The following ZNF235 variants were observed in gnomAD, a reference collection of about 807,000 sequenced individuals.
ZNF235 encodes zfp-93.
A neutral mutation model predicts 29.4 loss-of-function variants in ZNF235; 25 were observed. The observed-to-expected ratio is 0.85, with a 90% CI of 0.62 to 1.19. The LOEUF (loss-of-function observed/expected upper bound fraction) is 1.19, where lower values mean the gene tolerates loss of function less well. ZNF235 is among the 50% of genes most tolerant of loss of function. The pLI is 0.00. For missense variants in ZNF235, 788 were observed against 885.0 expected (o/e 0.89, Z 1.39); for synonymous variants, 300 against 295.3 (o/e 1.02, Z -0.16).
intron 2 of ZNF235, among the ~76,000 whole-genome samples, chr19:44,302,861 CTT>C (rs1975758348): frequency 1.4e-5 from 1 of 70,714 alleles, no homozygotes; most frequent in Non-Finnish European, 2.4e-5. Context: ...TAAATATATA[CTT>C]ATATATATTT....
Position 44,289,214 on chromosome 19 carries a change from A to G in ZNF235, c.239-18T>C. 4 of 1,594,110 alleles carry G rather than the reference A, an allele frequency of 2.5e-6. No homozygotes were observed. The highest frequency in any genetic ancestry group is 3.4e-6 in the Non-Finnish European group (4 of 1,170,136). ...CCTGTCTCCTGAAAGGATAGAGAGA[A>G]TAAGGAATAAAGGACCAAGAGACTG... On this transcript the variant is annotated intron_variant, in intron 4 of 4. Coordinates refer to ENST00000291182, the MANE Select transcript of ZNF235 (RefSeq NM_004234.4).
chr19:44,300,407 A>G (rs1172382706), intron 2 of ZNF235, among the ~76,000 whole-genome samples: 1 of 152,228 alleles, frequency 6.6e-6, no homozygotes, highest in East Asian at 1.9e-4. Context: ...TAGCTGCATG[A>G]TAGTCCATAA....
At chr19:44,295,975 T>C (rs940326456) in intron 4 of ZNF235, among the ~76,000 whole-genome samples, 10 of 151,588 alleles carry the variant, frequency 6.6e-5, no homozygotes. Flanking sequence ...TTGTTTTAAT[T>C]TGCATTTCTA....
Position 44,287,497 on chromosome 19 carries a change from C to G in ZNF235, c.1938G>C (p.Gln646His). Residue 646 changes from glutamine to histidine, a missense_variant, in exon 5 of 5, where the codon CAG becomes CAC. By Grantham distance (24) the Gln-to-His change is conservative (BLOSUM62 0). Transcript: ENST00000291182. ...ATGGTTTCTCTCCAGTGTGAATTAT[C>G]TGATGGACTTGAAGATTTGACCTCT... ...FSQRSNLQVH[Q>H]IIHTGEKPFK... is the part of the protein sequence containing the mutation. 1 of 1,614,078 alleles carries G rather than the reference C, an allele frequency of 6.2e-7. No homozygotes were observed.
chr19:44,291,363 A>G (rs960265788), intron 4 of ZNF235, among the ~76,000 whole-genome samples: 2 of 152,256 alleles, frequency 1.3e-5, no homozygotes, highest in Non-Finnish European at 2.9e-5. Flanking sequence ...AAAAACCAAT[A>G]TATCAAAATT....
chr19:44,294,115 C>T (rs2609875), intron 4 of ZNF235, among the ~76,000 whole-genome samples: 114,024 of 151,860 alleles, frequency 0.75, 43,538 homozygotes, highest in African/African-American at 0.9. Context: ...ATCAATGAAA[C>T]GAAAAGCTCG....
intron 4 of ZNF235, among the ~76,000 whole-genome samples, chr19:44,295,566 A>AT (rs531242732): frequency 3.9e-4 from 59 of 152,246 alleles, no homozygotes; most frequent in African/African-American, 1.3e-3. Context: ...TACTAATGTC[A>AT]TTTTTTGCAG....
rs1975494637 is a variant in ZNF235, at chr19:44,287,023, A to G, written c.*195T>C. 8.9e-6 allele frequency: 5 copies of G among 560,876 alleles called. No individual in the cohort carries two copies. Among genetic ancestry groups the G allele is most frequent in the Non-Finnish European group, 1.5e-5 (5 of 331,538 alleles). The allele number at this position is 560,876 out of a possible 1,614,324, so 34.7% of individuals were successfully genotyped here. On this transcript the variant is annotated 3_prime_UTR_variant, in exon 5 of 5. Coordinates refer to ENST00000291182, the MANE Select transcript of ZNF235 (RefSeq NM_004234.4). ...TATTTACAGAACAAAGTTTTCTCGCATCTGTGAAATATGACGTTTGTAAAG... is the reference window on the plus strand; with the variant it reads ...TATTTACAGAACAAAGTTTTCTCGCGTCTGTGAAATATGACGTTTGTAAAG...
In ZNF235 at chr19:44,303,476, A is replaced by C. The variant is rs767066074; in HGVS notation, c.-48-24T>G. 8.2e-6 allele frequency: 13 copies of C among 1,588,338 alleles called. 1 individual carries two copies. The highest frequency in any genetic ancestry group is 8.6e-6 in the Non-Finnish European group (10 of 1,164,048). On this transcript the variant is annotated intron_variant, in intron 1 of 4. Coordinates refer to ENST00000291182, the MANE Select transcript of ZNF235 (RefSeq NM_004234.4). ...ACCTGAGGGAGGGAAAGGCATCATG[A>C]GATAGGTTAGGGATGGCATTAGTCA...
intron 1 of ZNF235, among the ~76,000 whole-genome samples, chr19:44,304,050 T>C (rs1325967248): frequency 6.6e-6 from 1 of 152,216 alleles, no homozygotes; most frequent in Admixed American, 6.5e-5. Flanking sequence ...GTAACTGTGA[T>C]TGGTTGTCTA....
rs747911278 is a variant in ZNF235, at chr19:44,287,957, C to T, written c.1478G>A (p.Gly493Asp). Residue 493 changes from glycine to aspartate, a missense_variant, in exon 5 of 5, where the codon GGT becomes GAT. Gly to Asp is a moderately conservative substitution (Grantham distance 94). Transcript: ENST00000291182. Reference protein sequence around the residue: ...GEKPYKCEECGKGFSSASSFQ... With the variant: ...GEKPYKCEECDKGFSSASSFQ... Reference sequence around the variant, plus strand: ...ACTTGAGGCTGAACTAAAACCCTTACCACACTCTTCACATTTATATGGTTT... The same window carrying T: ...ACTTGAGGCTGAACTAAAACCCTTATCACACTCTTCACATTTATATGGTTT... 2.5e-6 allele frequency: 4 copies of T among 1,614,028 alleles called. No homozygotes were observed. The African/African-American group carries it at 5.3e-5, about 22-fold the overall frequency.
chr19:44,302,402 G>A (rs755847513), intron 2 of ZNF235, among the ~76,000 whole-genome samples: 5 of 152,088 alleles, frequency 3.3e-5, no homozygotes, highest in South Asian at 4.1e-4. Flanking sequence ...TAAAAAATTC[G>A]AAATTGTACC....
chr19:44,287,511 G>A lies in ZNF235; in HGVS notation c.1924C>T (p.Leu642Phe), dbSNP rs1290646332. 20 of 1,613,966 alleles carry A rather than the reference G, an allele frequency of 1.2e-5. No individual in the cohort carries two copies. The highest frequency in any genetic ancestry group is 1.7e-5 in the Non-Finnish European group (20 of 1,180,024). Residue 642 changes from leucine to phenylalanine, a missense_variant, in exon 5 of 5, where the codon CTT (leucine) becomes TTT (phenylalanine). Physicochemically the swap from Leu to Phe is conservative, Grantham distance 22. Coordinates refer to ENST00000291182, the MANE Select transcript of ZNF235 (RefSeq NM_004234.4). Reference sequence around the variant, plus strand: ...GTGTGAATTATCTGATGGACTTGAAGATTTGACCTCTGGCTGAAGGCCTTA... The same window carrying A: ...GTGTGAATTATCTGATGGACTTGAAAATTTGACCTCTGGCTGAAGGCCTTA... ...CGKAFSQRSN[L>F]QVHQIIHTGE... is the part of the protein sequence containing the mutation.
rs1406981453 is a variant in ZNF235 at position 44,294,530 on chromosome 19, A to T, written c.238+4278T>A. ...CCAATTCTACTAAAACTCTTTCAAA[A>T]AATCTAAGAGGAGAGAATCCTCCCT... is the stretch of plus-strand genomic sequence containing the variant. On this transcript the variant is annotated intron_variant, in intron 4 of 4. Transcript: ENST00000291182. 3.9e-5 allele frequency among the ~76,000 whole-genome samples: 6 copies of T among 152,294 alleles called. No individual in the cohort carries two copies. In the East Asian group the frequency reaches 1.2e-3, roughly 29 times the overall value.
intron 2 of ZNF235, among the ~76,000 whole-genome samples, chr19:44,303,003 TA>T (rs1348013659): frequency 2.2e-5 from 3 of 134,646 alleles, no homozygotes; most frequent in African/African-American, 8.8e-5. Flanking sequence ...TATATACATA[TA>T]TACGTATATA....
chr19:44,287,954 T>C lies in ZNF235; in HGVS notation c.1481A>G (p.Lys494Arg), dbSNP rs1975516283. Residue 494 changes from lysine to arginine, a missense_variant, in exon 5 of 5, where the codon AAG (lysine) becomes AGG (arginine). By Grantham distance (26) the Lys-to-Arg change is conservative (BLOSUM62 2). Transcript: ENST00000291182. ...GAAACTTGAGGCTGAACTAAAACCC[T>C]TACCACACTCTTCACATTTATATGG... ...EKPYKCEECG[K>R]GFSSASSFQS... The C allele has an allele frequency of 2.5e-6, 4 of 1,614,146 alleles. No individual in the cohort carries two copies. Among genetic ancestry groups the C allele is most frequent in the Non-Finnish European group, 3.4e-6 (4 of 1,180,022 alleles).
rs1975493619 is a variant in ZNF235 at position 44,286,983 on chromosome 19, T to C, written c.*235A>G. The C allele has an allele frequency of 4.3e-6, 2 of 464,178 alleles. No individual in the cohort carries two copies. The highest frequency in any genetic ancestry group is 7.5e-6 in the Non-Finnish European group (2 of 265,672). The allele number at this position is 464,178 out of a possible 1,614,324, so 28.8% of individuals were successfully genotyped here. A position where few individuals can be genotyped will look rare whatever the true frequency, so the allele number is the denominator to read the frequency against. ...AGAACCGGGACACCTGGTACTCTGATATAAACACTGATCATATTTACAGAA... is the reference window on the plus strand; with the variant it reads ...AGAACCGGGACACCTGGTACTCTGACATAAACACTGATCATATTTACAGAA... On this transcript the variant is annotated 3_prime_UTR_variant, in exon 5 of 5. Transcript: ENST00000291182.
intron 2 of ZNF235, among the ~76,000 whole-genome samples, 173 bp downstream of exon 2, chr19:44,303,217 A>C (rs180698621): frequency 4.8e-4 from 68 of 140,488 alleles, no homozygotes; most frequent in Admixed American, 6.6e-4. Flanking sequence ...ATATATATAT[A>C]TCTCTCTGTT....
At chr19:44,299,462 A>C (rs1975702519) in intron 3 of ZNF235, 144 bp downstream of exon 3, 2 of 995,758 alleles carry the variant, frequency 2.0e-6, no homozygotes, top group South Asian at 3.2e-5. Flanking sequence ...AAAGCCTTGA[A>C]CAAGGGGACA....
Sources: allele counts gnomAD v4.1 joint callset (sites outside exome capture counted in the v4.1 genomes callset), GRCh38; gene constraint gnomAD v4.1.1; transcripts MANE v1.5; gene names NCBI Gene and HGNC (gene_info 2026-07-23, HGNC 2026-07-21).